The following CSMD1 variants were observed in gnomAD, a reference collection of about 807,000 sequenced individuals.
CSMD1 encodes the protein CUB and Sushi multiple domains 1, also known as CUB and sushi domain-containing protein 1.
Under a neutral mutation model 417.5 loss-of-function variants are expected in CSMD1, and 213 were observed. The observed-to-expected ratio is 0.51, with a 90% CI of 0.46 to 0.57. CSMD1 has a LOEUF of 0.57. Among genes scored for constraint, CSMD1 ranks in the 20% least tolerant of loss-of-function variants. The pLI, the probability that CSMD1 is intolerant of heterozygous loss-of-function variation, is 0.00. For missense variants in CSMD1, 6,923 were observed against 4,529.7 expected (o/e 1.53, Z -15.17); for synonymous variants, 2,862 against 1,736.8 (o/e 1.65, Z -16.11).
At chr8:3,360,403 G>A (rs1202421886) in intron 20 of CSMD1, among the ~76,000 whole-genome samples, 1 of 152,186 alleles carries the variant, frequency 6.6e-6, no homozygotes, top group Non-Finnish European at 1.5e-5. Flanking sequence ...GCTGTCACCA[G>A]CCTCTTGGTC....
intron 1 of CSMD1, among the ~76,000 whole-genome samples, chr8:4,910,283 G>A (rs62488168): frequency 0.067 from 10,180 of 152,194 alleles, 424 homozygotes; most frequent in African/African-American, 0.08. Context: ...AACAGTCAAC[G>A]CATATATCTT....
chr8:4,630,613 C>A (rs928875473), intron 2 of CSMD1, among the ~76,000 whole-genome samples: 6 of 152,152 alleles, frequency 3.9e-5, no homozygotes, highest in African/African-American at 1.4e-4. Flanking sequence ...CATTTTATTT[C>A]ATCATCCTAA....
At chr8:3,903,821 C>G (rs763543490) in intron 5 of CSMD1, among the ~76,000 whole-genome samples, 1 of 152,102 alleles carries the variant, frequency 6.6e-6, no homozygotes, top group South Asian at 2.1e-4. Flanking sequence ...ATGTTTTCTT[C>G]GAGCTCTGAG....
At chr8:3,702,340 A>C (rs1312786716) in intron 7 of CSMD1, 1 of 152,198 alleles carries the variant, frequency 6.6e-6, no homozygotes, top group Non-Finnish European at 1.5e-5. Context: ...CATGTGGGGA[A>C]AATCTCTACT....
At chr8:4,019,737 G>A (rs1254312025) in intron 4 of CSMD1, among the ~76,000 whole-genome samples, 1 of 152,064 alleles carries the variant, frequency 6.6e-6, no homozygotes, top group Non-Finnish European at 1.5e-5. Flanking sequence ...TGTGCCTGTT[G>A]TAGAAGTAGT....
At chr8:3,198,111 G>T (rs79828641) in intron 33 of CSMD1, among the ~76,000 whole-genome samples, 16 of 152,186 alleles carry the variant, frequency 1.1e-4, no homozygotes, top group African/African-American at 3.9e-4. Context: ...TGATGAAAAC[G>T]TATTACTTTA....
chr8:4,066,455 T>A (rs1339827373), intron 3 of CSMD1, among the ~76,000 whole-genome samples: 5 of 152,156 alleles, frequency 3.3e-5, no homozygotes, highest in Non-Finnish European at 7.3e-5. Flanking sequence ...CCCGATAATA[T>A]TTTCCAAATA....
At chr8:4,609,073 T>A (rs1801033466) in intron 2 of CSMD1, among the ~76,000 whole-genome samples, 1 of 151,986 alleles carries the variant, frequency 6.6e-6, no homozygotes, top group Non-Finnish European at 1.5e-5. Context: ...TCCTCCACTT[T>A]CAGGTTACTG....
chr8:4,969,284 G>C (rs1050289161), intron 1 of CSMD1, among the ~76,000 whole-genome samples: 2 of 151,838 alleles, frequency 1.3e-5, no homozygotes, highest in Non-Finnish European at 2.9e-5. Context: ...TTTTCAATTT[G>C]CTAGGGCAAA....
chr8:3,274,113 C>T (rs1489858617), intron 26 of CSMD1, among the ~76,000 whole-genome samples: 15 of 151,872 alleles, frequency 9.9e-5, no homozygotes, highest in South Asian at 8.4e-4. Flanking sequence ...GTCCCAGAGA[C>T]TCTGGTATGT....
At chr8:4,150,049 T>A (rs1034511007) in intron 3 of CSMD1, among the ~76,000 whole-genome samples, 5 of 152,184 alleles carry the variant, frequency 3.3e-5, no homozygotes, top group Non-Finnish European at 5.9e-5. Context: ...AGGCACGTGT[T>A]GCTGTGGGTG....
At chr8:3,791,756 G>A (rs185613752) in intron 5 of CSMD1, among the ~76,000 whole-genome samples, 58 of 152,252 alleles carry the variant, frequency 3.8e-4, no homozygotes, top group Non-Finnish European at 5.9e-4. Context: ...CTGGGAGGTG[G>A]AAGTTGCAGT....
At chr8:4,333,116 T>C (rs13276771) in intron 3 of CSMD1, among the ~76,000 whole-genome samples, 5,880 of 152,050 alleles carry the variant, frequency 0.039, 148 homozygotes, top group East Asian at 0.11. Context: ...AATTTGAAAA[T>C]AGCAGGTGAA....
chr8:4,664,311 G>A (rs1221629875), intron 1 of CSMD1, among the ~76,000 whole-genome samples: 2 of 152,184 alleles, frequency 1.3e-5, no homozygotes, highest in African/African-American at 4.8e-5. Flanking sequence ...TATAATCTCA[G>A]CACTGTGGAA....
intron 1 of CSMD1, among the ~76,000 whole-genome samples, chr8:4,732,917 G>A (rs983380072): frequency 1.3e-5 from 2 of 152,134 alleles, no homozygotes; most frequent in Admixed American, 6.5e-5. Context: ...TGGGATGGCA[G>A]AGGAGATCGG....
intron 68 of CSMD1, among the ~76,000 whole-genome samples, chr8:2,946,742 G>C (rs779094328): frequency 6.6e-6 from 1 of 151,986 alleles, no homozygotes; most frequent in South Asian, 2.1e-4. Context: ...CAGTTCTTTT[G>C]GCTACCCATG....
At chr8:3,104,481 G>C (rs1478942660) in intron 46 of CSMD1, among the ~76,000 whole-genome samples, 2 of 152,012 alleles carry the variant, frequency 1.3e-5, no homozygotes, top group Non-Finnish European at 2.9e-5. Context: ...CTCTGCTCAG[G>C]TAGCGGTTTC....
chr8:4,016,176 C>T (rs753033685), intron 4 of CSMD1, among the ~76,000 whole-genome samples: 12 of 152,086 alleles, frequency 7.9e-5, no homozygotes, highest in Non-Finnish European at 1.0e-4. Context: ...ACGTTCATAA[C>T]GTAACACTTG....
intron 3 of CSMD1, among the ~76,000 whole-genome samples, chr8:4,357,106 C>T (rs1032867105): frequency 6.6e-5 from 10 of 152,154 alleles, no homozygotes; most frequent in African/African-American, 2.4e-4. Flanking sequence ...TGTATTACAA[C>T]TCTGAATTGG....
Sources: gnomAD v4.1 joint callset for allele counts (sites outside exome capture counted in the v4.1 genomes callset) on GRCh38, gnomAD v4.1.1 for gene constraint, MANE v1.5 for transcripts, NCBI Gene and HGNC (gene_info 2026-07-23, HGNC 2026-07-21) for gene names.